PUS10: variants seen among roughly 807,000 people sequenced by gnomAD.
PUS10 encodes tRNA pseudouridine synthase Pus10.
Under a neutral mutation model 75.0 loss-of-function variants are expected in PUS10, and 59 were observed. That is an observed-to-expected ratio of 0.79 (90% confidence interval 0.64 to 0.98). PUS10 has a LOEUF of 0.98. Ranked by LOEUF, PUS10 falls within the 50% of genes least tolerant of loss-of-function variation. The pLI, the probability that PUS10 is intolerant of heterozygous loss-of-function variation, is 0.00. For synonymous variants in PUS10, 219 were observed against 211.6 expected, an observed-to-expected ratio of 1.03 and a Z score of -0.30; for missense variants, 650 against 614.4, an observed-to-expected ratio of 1.06 and a Z score of -0.61.
chr2:61,017,675 C>T, intron 1 of PUS10: 1 of 1,106,226 alleles, frequency 9.0e-7, no homozygotes, highest in Non-Finnish European at 1.3e-6. Context: ...GGTGTTCTGC[C>T]CGTTGTGTCT....
chr2:60,947,985 T>TA, intron 16 of PUS10, 58 bp downstream of exon 16: 12 of 1,598,698 alleles, frequency 7.5e-6, no homozygotes, highest in Non-Finnish European at 1.0e-5. Flanking sequence ...TAGGGGACCA[T>TA]GAACTTTTCC....
chr2:60,964,715 A>G (rs928843196), intron 8 of PUS10, among the ~76,000 whole-genome samples: 6 of 152,190 alleles, frequency 3.9e-5, no homozygotes, highest in African/African-American at 1.4e-4. Context: ...CTTACCATTG[A>G]TTTTCTCAGA....
intron 4 of PUS10, among the ~76,000 whole-genome samples, chr2:61,005,762 C>T (rs1028313892): frequency 5.3e-5 from 8 of 151,850 alleles, no homozygotes; most frequent in Admixed American, 6.5e-5. Flanking sequence ...TACCCTTTTT[C>T]GTTTCCTGGC....
rs557550053 is a variant in PUS10 at position 60,980,152 on chromosome 2, G to A, written c.469-8595C>T. 4.6e-5 allele frequency among the ~76,000 whole-genome samples: 7 copies of A among 152,294 alleles called. No individual in the cohort carries two copies. In the East Asian group the frequency reaches 1.2e-3, roughly 25 times the overall value. On this transcript the variant is annotated intron_variant, in intron 4 of 17. Transcript: ENST00000316752. ...ATGAAGACAGATATGGCTCAGTACTGTTCTTTAGTGTCATATGAAAATGAG... is the reference window on the plus strand; with the variant it reads ...ATGAAGACAGATATGGCTCAGTACTATTCTTTAGTGTCATATGAAAATGAG...
chr2:61,013,611 T>C (rs1445593182), intron 1 of PUS10, among the ~76,000 whole-genome samples: 1 of 152,212 alleles, frequency 6.6e-6, no homozygotes, highest in Non-Finnish European at 1.5e-5. Flanking sequence ...ATGTCAGTGA[T>C]TTTCAGAGAA....
chr2:61,017,722 T>G (rs1243246824), intron 1 of PUS10: 1 of 1,522,862 alleles, frequency 6.6e-7, no homozygotes. Context: ...GCCTGGACAG[T>G]CAGGGGTAGG....
At chr2:60,962,604 T>TA (rs535804005) in intron 9 of PUS10, among the ~76,000 whole-genome samples, 47 of 151,268 alleles carry the variant, frequency 3.1e-4, no homozygotes, top group African/African-American at 3.9e-4. Flanking sequence ...TAAGTATTTT[T>TA]TAAAAAAAAA....
At chr2:60,962,953 G>C (rs1676121540) in intron 8 of PUS10, 63 bp from the exon 9 acceptor site, 2 of 1,486,386 alleles carry the variant, frequency 1.3e-6, no homozygotes, top group South Asian at 2.6e-5. Context: ...CATCAGACGT[G>C]AAACACAGAA....
intron 15 of PUS10, among the ~76,000 whole-genome samples, chr2:60,950,684 G>A (rs768988906): frequency 1.3e-5 from 2 of 152,172 alleles, no homozygotes; most frequent in African/African-American, 4.8e-5. Flanking sequence ...CTCCTGAAGT[G>A]CTGGGATTAC....
At chr2:61,007,393 G>A (rs1048233767) in intron 3 of PUS10, among the ~76,000 whole-genome samples, 1 of 152,044 alleles carries the variant, frequency 6.6e-6, no homozygotes, top group African/African-American at 2.4e-5. Flanking sequence ...GCCCAGAGGT[G>A]GAGGTTGCAA....
intron 2 of PUS10, chr2:61,010,710 A>G: frequency 1.4e-6 from 2 of 1,468,474 alleles, no homozygotes; most frequent in Non-Finnish European, 1.9e-6. Flanking sequence ...CATCATTCCC[A>G]TTTACAGAGG....
At position 61,017,562 on chromosome 2, in the gene PUS10, G is replaced by A; in HGVS notation, c.-16+446C>T. 2 of 557,834 alleles carry A rather than the reference G, an allele frequency of 3.6e-6. 1 individual carries two copies. Among genetic ancestry groups the A allele is most frequent in the Middle Eastern group, 9.6e-4 (2 of 2,080 alleles). The allele number at this position is 557,834 out of a possible 1,614,324, so 34.6% of individuals were successfully genotyped here. ...TTTCTGGGGCAAATACAAAGAGCGTGTTTCTTCCTACAAATTAGTGGCATC... is the reference window on the plus strand; with the variant it reads ...TTTCTGGGGCAAATACAAAGAGCGTATTTCTTCCTACAAATTAGTGGCATC... On this transcript the variant is annotated intron_variant, in intron 1 of 17. Coordinates refer to ENST00000316752, the MANE Select transcript of PUS10 (RefSeq NM_144709.4).
At chr2:60,947,840 A>AG (rs1018106540) in intron 16 of PUS10, among the ~76,000 whole-genome samples, 2 of 151,248 alleles carry the variant, frequency 1.3e-5, no homozygotes, top group Non-Finnish European at 3.0e-5. Flanking sequence ...AAAAAAAAAA[A>AG]AAAAAAAAAA....
At chr2:61,017,360 G>T (rs890683679) in intron 1 of PUS10, 2 of 168,928 alleles carry the variant, frequency 1.2e-5, no homozygotes, top group Admixed American at 1.3e-4. Flanking sequence ...CCGAAAAACT[G>T]CCTGGTTTGC....
intron 9 of PUS10, among the ~76,000 whole-genome samples, chr2:60,962,343 G>A (rs1280311713): frequency 3.3e-5 from 5 of 152,238 alleles, no homozygotes; most frequent in Admixed American, 6.5e-5. Context: ...AGGCCGAGGC[G>A]GGTGGATCAC....
At chr2:60,981,265 T>A (rs1386120427) in intron 4 of PUS10, among the ~76,000 whole-genome samples, 2 of 151,824 alleles carry the variant, frequency 1.3e-5, no homozygotes, top group Non-Finnish European at 2.9e-5. Flanking sequence ...ATTTACCATA[T>A]TAGCAATTAA....
intron 4 of PUS10, among the ~76,000 whole-genome samples, chr2:60,999,432 T>C (rs185869482): frequency 1.9e-4 from 29 of 152,158 alleles, no homozygotes; most frequent in Admixed American, 7.2e-4. Context: ...CTTGGCAACA[T>C]AGGGAAACCT....
intron 15 of PUS10, among the ~76,000 whole-genome samples, chr2:60,949,942 T>TA (rs1316305995): frequency 6.6e-6 from 1 of 152,220 alleles, no homozygotes. Flanking sequence ...GAATTATCTC[T>TA]ATGGCTACCC....
At position 60,953,009 on chromosome 2, in the gene PUS10, T is replaced by C; in HGVS notation, c.1296A>G (p.Leu432=). 6.5e-7 allele frequency: 1 copy of C among 1,527,988 alleles called. No individual in the cohort carries two copies. Among genetic ancestry groups the C allele is most frequent in the African/African-American group, 1.4e-5 (1 of 73,228 alleles). 94.7% of individuals were successfully genotyped at this position (1,527,988 alleles called of 1,614,324 possible). The change falls in exon 15 of 18, where the codon CTA becomes CTG. Residue 432 remains leucine, a synonymous_variant. Transcript: ENST00000316752. ...ACACTTAAACTACCTTTATGTCATT[T>C]AGGAATTCAATGTCTTTCTTCTGTA... ...KAIQKKDIEF[L]NDIKDLKIDQ...
Sources: gnomAD v4.1 joint callset for allele counts (sites outside exome capture counted in the v4.1 genomes callset) on GRCh38, gnomAD v4.1.1 for gene constraint, MANE v1.5 for transcripts, NCBI Gene and HGNC (gene_info 2026-07-23, HGNC 2026-07-21) for gene names.